PLAA: variants seen among roughly 807,000 people sequenced by gnomAD.
PLAA encodes phospholipase A-2-activating protein.
In PLAA, 48 loss-of-function variants were observed where a neutral mutation model predicts 84.1. The ratio of observed to expected loss-of-function variants is 0.57; its 90% confidence interval spans 0.45 to 0.73. The LOEUF is 0.73. Among genes scored for constraint, PLAA ranks in the 30% least tolerant of loss-of-function variants. PLAA has a pLI of 0.00. For missense variants in PLAA, 903 were observed against 954.7 expected, an observed-to-expected ratio of 0.95 and a Z score of 0.71; for synonymous variants, 392 against 336.6, an observed-to-expected ratio of 1.16 and a Z score of -1.80.
Position 26,920,477 on chromosome 9 carries a change from A to G in PLAA, c.1040-93T>C, listed in dbSNP as rs914474168. 7.1e-6 allele frequency: 5 copies of G among 700,436 alleles called. No individual in the cohort carries two copies. In the African/African-American group the frequency reaches 8.9e-5, roughly 13 times the overall value. The allele number at this position is 700,436 out of a possible 1,614,324, so 43.4% of individuals were successfully genotyped here. ...AAATTCTTAACATTAAAATTTACAC[A>G]TAAGAGAATATGGATTTTGTTTCAA... On this transcript the variant is annotated intron_variant, in intron 7 of 13. Coordinates refer to ENST00000397292, the MANE Select transcript of PLAA (RefSeq NM_001031689.3).
intron 9 of PLAA, 27 bp downstream of exon 9, chr9:26,919,283 T>A (rs1328429211): frequency 1.4e-6 from 2 of 1,435,020 alleles, no homozygotes; most frequent in African/African-American, 2.8e-5. Context: ...TGGAACTACA[T>A]AAGACTCAAT....
intron 1 of PLAA, among the ~76,000 whole-genome samples, chr9:26,945,514 C>T (rs1008775108): frequency 6.6e-6 from 1 of 152,178 alleles, no homozygotes; most frequent in Non-Finnish European, 1.5e-5. Flanking sequence ...TCTATACTAT[C>T]CCTAGCCTAG....
intron 12 of PLAA, among the ~76,000 whole-genome samples, chr9:26,909,354 G>A (rs920577717): frequency 5.9e-5 from 9 of 152,076 alleles, no homozygotes; most frequent in Admixed American, 2.0e-4. Flanking sequence ...CTAAAAGTGT[G>A]CATATACTAC....
intron 2 of PLAA, among the ~76,000 whole-genome samples, chr9:26,929,341 A>T (rs1329882710): frequency 6.6e-6 from 1 of 152,110 alleles, no homozygotes; most frequent in Non-Finnish European, 1.5e-5. Context: ...AAAAATTTTA[A>T]ATTAGTCAGA....
intron 11 of PLAA, among the ~76,000 whole-genome samples, chr9:26,913,137 A>C (rs1824447946): frequency 1.3e-5 from 2 of 152,228 alleles, no homozygotes; most frequent in Non-Finnish European, 2.9e-5. Context: ...ATGCTGAATA[A>C]CATATATGTT....
intron 1 of PLAA, among the ~76,000 whole-genome samples, chr9:26,946,512 GAAAAA>G (rs75570453): frequency 8.1e-6 from 1 of 123,118 alleles, no homozygotes; most frequent in Admixed American, 8.1e-5. Context: ...CATCTTCTTC[GAAAAA>G]AAAAAAAAAA....
In PLAA at chr9:26,936,365, C is replaced by G. The variant is rs1391416918; in HGVS notation, c.150-1159G>C. Among the ~76,000 whole-genome samples the G allele has an allele frequency of 3.3e-5, 5 of 152,084 alleles. No individual in the cohort carries two copies. In the East Asian group the frequency reaches 9.6e-4, roughly 29 times the overall value. On this transcript the variant is annotated intron_variant, in intron 1 of 13. Transcript: ENST00000397292. ...CAGGACAACCGAAGAACCAATTTAC[C>G]AACAAAGGGCTTAAGAACTAGAGAA... is the stretch of plus-strand genomic sequence containing the variant.
chr9:26,918,651 G>T (rs572426927), intron 9 of PLAA, among the ~76,000 whole-genome samples: 1 of 152,118 alleles, frequency 6.6e-6, no homozygotes, highest in East Asian at 1.9e-4. Context: ...GAAATGATGA[G>T]AGGAAAACAT....
At chr9:26,933,324 ACT>A (rs1408490702) in intron 2 of PLAA, among the ~76,000 whole-genome samples, 1 of 150,882 alleles carries the variant, frequency 6.6e-6, no homozygotes, top group Non-Finnish European at 1.5e-5. Context: ...AATCCCAGCT[ACT>A]CTGGAGGCTG....
chr9:26,918,394 C>T (rs1180008949), intron 9 of PLAA, among the ~76,000 whole-genome samples: 1 of 150,052 alleles, frequency 6.7e-6, no homozygotes, highest in African/African-American at 2.5e-5. Context: ...TCCCAAAGTG[C>T]TGGGATTACA....
intron 1 of PLAA, among the ~76,000 whole-genome samples, chr9:26,941,491 G>C (rs542943934): frequency 6.6e-6 from 1 of 152,114 alleles, no homozygotes; most frequent in East Asian, 1.9e-4. Context: ...GATCTCCCAG[G>C]AGCTTCTTAA....
intron 7 of PLAA, among the ~76,000 whole-genome samples, 179 bp downstream of exon 7, chr9:26,922,999 T>G (rs760787701): frequency 7.2e-5 from 11 of 152,212 alleles, no homozygotes; most frequent in Admixed American, 3.9e-4. Context: ...ATTCAAAGTC[T>G]TCTGTGAGAC....
Position 26,946,907 on chromosome 9 carries a change from C to T in PLAA, c.139G>A (p.Ala47Thr), listed in dbSNP as rs773070394. The change falls in exon 1 of 14, where the codon GCC becomes ACC. Residue 47 changes from alanine to threonine, a missense_variant. By Grantham distance (58) the Ala-to-Thr change is moderately conservative. Coordinates refer to ENST00000397292, the MANE Select transcript of PLAA (RefSeq NM_001031689.3). ...ACTCCCAGCGCTCACCTGTCTGGGGCCCAGAGGCGGGTGGTGCGGTCTCGG... is the reference window on the plus strand; with the variant it reads ...ACTCCCAGCGCTCACCTGTCTGGGGTCCAGAGGCGGGTGGTGCGGTCTCGG... ...VSRDRTTRLW[A>T]PDSPNRSFTE... The T allele has an allele frequency of 1.9e-6, 3 of 1,582,570 alleles. No homozygotes were observed. Among genetic ancestry groups the T allele is most frequent in the Admixed American group, 3.6e-5 (2 of 55,780 alleles).
chr9:26,925,593 C>T lies in PLAA; in HGVS notation c.869+232G>A, dbSNP rs77960489. 7.0e-4 allele frequency among the ~76,000 whole-genome samples: 106 copies of T among 151,958 alleles called. 1 individual carries two copies. In the East Asian group the frequency reaches 0.019, roughly 28 times the overall value. On this transcript the variant is annotated intron_variant, in intron 6 of 13. Transcript: ENST00000397292. Reference sequence around the variant, plus strand: ...ATATCTTGACTGCACAATTGCAGTACAATACTGGTATATCATGCATCATTG... The same window carrying T: ...ATATCTTGACTGCACAATTGCAGTATAATACTGGTATATCATGCATCATTG...
chr9:26,946,932 G>C lies in PLAA; in HGVS notation c.114C>G (p.Ser38=). The C allele has an allele frequency of 1.3e-6, 2 of 1,581,934 alleles. No individual in the cohort carries two copies. Among genetic ancestry groups the C allele is most frequent in the South Asian group, 2.3e-5 (2 of 86,768 alleles). Reference sequence around the variant, plus strand: ...CCCAGAGGCGGGTGGTGCGGTCTCGGGACACGGACACAAAGGCTCCCGGCG... The same window carrying C: ...CCCAGAGGCGGGTGGTGCGGTCTCGCGACACGGACACAAAGGCTCCCGGCG... ...AYPPGAFVSV[S]RDRTTRLWAP... is the part of the protein sequence containing the mutation. The change falls in exon 1 of 14, where the codon TCC becomes TCG. Residue 38 remains serine (S), a synonymous_variant. Coordinates refer to ENST00000397292, the MANE Select transcript of PLAA (RefSeq NM_001031689.3).
intron 10 of PLAA, chr9:26,915,631 A>G (rs1824524911): frequency 1.1e-6 from 1 of 871,380 alleles, no homozygotes; most frequent in Admixed American, 6.2e-5. Context: ...TCAATATGGT[A>G]GATGCTGTTA....
chr9:26,916,045 T>A lies in PLAA; in HGVS notation c.1486+1052A>T, dbSNP rs985865954. ...AACAGCATTTAGTGTGATAGTTAAT[T>A]ATTTTCATTTACTTGTTATCAATGC... On this transcript the variant is annotated intron_variant, in intron 10 of 13. Transcript: ENST00000397292. 1.1e-5 allele frequency: 11 copies of A among 985,334 alleles called. No individual in the cohort carries two copies. The African/African-American group carries it at 1.7e-4, about 16-fold the overall frequency. The allele number at this position is 985,334 out of a possible 1,614,324, so 61.0% of individuals were successfully genotyped here. A position where few individuals can be genotyped will look rare whatever the true frequency, so the allele number is the denominator to read the frequency against.
chr9:26,931,717 CA>C (rs1825190448), intron 2 of PLAA, among the ~76,000 whole-genome samples: 1 of 151,910 alleles, frequency 6.6e-6, no homozygotes, highest in South Asian at 2.1e-4. Flanking sequence ...TGGTTTTAAG[CA>C]ACAAGAAAAA....
chr9:26,919,029 G>A (rs1824666741), intron 9 of PLAA, among the ~76,000 whole-genome samples: 1 of 152,070 alleles, frequency 6.6e-6, no homozygotes, highest in Non-Finnish European at 1.5e-5. Flanking sequence ...TTTTTTAAAA[G>A]AAACACTATA....
Sources: gnomAD v4.1 joint callset for allele counts (sites outside exome capture counted in the v4.1 genomes callset) on GRCh38, gnomAD v4.1.1 for gene constraint, MANE v1.5 for transcripts, NCBI Gene and HGNC (gene_info 2026-07-23, HGNC 2026-07-21) for gene names.